ATP6V0A1: variants seen among roughly 807,000 people sequenced by gnomAD.
The protein encoded by ATP6V0A1 is V-type proton ATPase 116 kDa subunit a 1.
In ATP6V0A1, 43 loss-of-function variants were observed where a neutral mutation model predicts 105.4. The observed-to-expected ratio is 0.41, with a 90% CI of 0.32 to 0.53. The LOEUF (loss-of-function observed/expected upper bound fraction) is 0.53, where lower values mean the gene tolerates loss of function less well. Among genes scored for constraint, ATP6V0A1 ranks in the 20% least tolerant of loss-of-function variants. ATP6V0A1 has a pLI of 0.30. For missense variants in ATP6V0A1, 676 were observed against 1,051.1 expected (o/e 0.64, Z 4.93); for synonymous variants, 362 against 372.8 (o/e 0.97, Z 0.33).
At position 42,458,919 on chromosome 17, in the gene ATP6V0A1, T is replaced by A. The variant is rs1598614865; in HGVS notation, c.-92T>A. On this transcript the variant is annotated 5_prime_UTR_variant, in exon 1 of 22. Coordinates refer to ENST00000343619, the MANE Select transcript of ATP6V0A1 (RefSeq NM_001130021.3). ...CCTGGAGCCGCGGAGGGTGCGGGTT[T>A]GGCTGCGGTGGTTTCTGTGGCGGTT... The A allele has an allele frequency of 6.5e-6, 1 of 153,380 alleles. No individual in the cohort carries two copies. The highest frequency in any genetic ancestry group is 2.4e-5 in the African/African-American group (1 of 41,608). The allele number at this position is 153,380 out of a possible 1,614,324, so 9.5% of individuals were successfully genotyped here.
At position 42,501,181 on chromosome 17, in the gene ATP6V0A1, T is replaced by C. The variant is rs371940017; in HGVS notation, c.1897-16T>C. 7.5e-6 allele frequency: 12 copies of C among 1,595,066 alleles called. No individual in the cohort carries two copies. The Middle Eastern group carries it at 5.0e-4, about 66-fold the overall frequency. ...ACTTTTATATGATGTACCTTGTCCTTCTTCTTACTCTGCAGAAAGGAATTC... is the reference window on the plus strand; with the variant it reads ...ACTTTTATATGATGTACCTTGTCCTCCTTCTTACTCTGCAGAAAGGAATTC... On this transcript the variant is annotated splice_polypyrimidine_tract_variant and intron_variant, in intron 16 of 21. Coordinates refer to ENST00000343619, the MANE Select transcript of ATP6V0A1 (RefSeq NM_001130021.3).
intron 11 of ATP6V0A1, among the ~76,000 whole-genome samples, chr17:42,493,463 C>G (rs183966108): frequency 2.6e-5 from 4 of 152,290 alleles, no homozygotes; most frequent in African/African-American, 9.6e-5. Context: ...CCAATGTTGT[C>G]AAGGTTACAC....
At chr17:42,515,083 G>C (rs1391751191) in intron 21 of ATP6V0A1, among the ~76,000 whole-genome samples, 3 of 152,128 alleles carry the variant, frequency 2.0e-5, no homozygotes, top group Non-Finnish European at 4.4e-5. Flanking sequence ...TGTGTGGAGA[G>C]AGCATGAGTT....
intron 21 of ATP6V0A1, among the ~76,000 whole-genome samples, chr17:42,517,569 C>T (rs1229754909): frequency 1.3e-5 from 2 of 152,224 alleles, no homozygotes; most frequent in Non-Finnish European, 2.9e-5. Context: ...GGGCTGTTCC[C>T]GTGACACGAG....
At position 42,469,071 on chromosome 17, in the gene ATP6V0A1, C is replaced by T. The variant is rs562121247; in HGVS notation, c.294+964C>T. ...CCATGTTGGCCAGCTTGATCTCGAA[C>T]TCCTAACCTCAAGCAATCTGCCTGC... On this transcript the variant is annotated intron_variant, in intron 4 of 21. Transcript: ENST00000343619. Among the ~76,000 whole-genome samples the T allele has an allele frequency of 2.9e-3, 441 of 152,186 alleles. 3 individuals are homozygous for T. Among genetic ancestry groups the T allele is most frequent in the African/African-American group, 0.01 (433 of 41,510 alleles).
At chr17:42,490,664 C>T (rs746100277) in intron 11 of ATP6V0A1, 27 bp downstream of exon 11, 3 of 1,565,988 alleles carry the variant, frequency 1.9e-6, no homozygotes, top group Admixed American at 4.1e-5. Context: ...TATCTTTTTC[C>T]TCTAGAGTTT....
At chr17:42,503,747 G>T (rs554757362) in intron 17 of ATP6V0A1, among the ~76,000 whole-genome samples, 7 of 152,126 alleles carry the variant, frequency 4.6e-5, no homozygotes, top group Non-Finnish European at 5.9e-5. Context: ...TGTTTCTGAT[G>T]ATTTTAAACT....
At chr17:42,506,714 A>C (rs1248576010) in intron 17 of ATP6V0A1, among the ~76,000 whole-genome samples, 2 of 152,124 alleles carry the variant, frequency 1.3e-5, no homozygotes, top group Non-Finnish European at 2.9e-5. Context: ...TTTCCCAAAG[A>C]GTCTTTTTTG....
chr17:42,467,957 G>A, intron 3 of ATP6V0A1, 53 bp from the exon 4 acceptor site: 1 of 1,242,654 alleles, frequency 8.0e-7, no homozygotes, highest in Non-Finnish European at 1.1e-6. Flanking sequence ...TTAAATAATG[G>A]CAATTACGAG....
At chr17:42,501,051 T>G in intron 16 of ATP6V0A1, 128 bp downstream of exon 16, 1 of 1,198,748 alleles carries the variant, frequency 8.3e-7, no homozygotes, top group Non-Finnish European at 1.2e-6. Context: ...CCACAAAATG[T>G]GATAATTATT....
intron 14 of ATP6V0A1, among the ~76,000 whole-genome samples, chr17:42,497,588 GC>G (rs2091297570): frequency 2.0e-5 from 3 of 151,400 alleles, no homozygotes; most frequent in Admixed American, 6.6e-5. Flanking sequence ...GCAGAGAATT[GC>G]TTGAACCCAG....
chr17:42,499,082 T>C, intron 15 of ATP6V0A1, 40 bp downstream of exon 15: 1 of 1,392,078 alleles, frequency 7.2e-7, no homozygotes, highest in African/African-American at 1.4e-5. Context: ...GTGCATAGTT[T>C]AGAGAATGCT....
chr17:42,500,664 T>C (rs1402539570), intron 15 of ATP6V0A1, 43 bp from the exon 16 acceptor site: 1 of 1,506,456 alleles, frequency 6.6e-7, no homozygotes, highest in African/African-American at 1.4e-5. Flanking sequence ...GGAGTGGCCC[T>C]AGGCCCATTT....
intron 14 of ATP6V0A1, 48 bp from the exon 15 acceptor site, chr17:42,498,876 C>T (rs1331653935): frequency 7.8e-7 from 1 of 1,283,256 alleles, no homozygotes; most frequent in Non-Finnish European, 1.1e-6. Context: ...ATATTTTTCC[C>T]TTTGAGAATT....
At chr17:42,505,174 T>G (rs1256942525) in intron 17 of ATP6V0A1, among the ~76,000 whole-genome samples, 1 of 152,034 alleles carries the variant, frequency 6.6e-6, no homozygotes, top group Non-Finnish European at 1.5e-5. Flanking sequence ...TAGCTAGGAT[T>G]ATGGGCATGC....
intron 7 of ATP6V0A1, 83 bp downstream of exon 7, chr17:42,478,672 C>T: frequency 7.3e-7 from 1 of 1,371,166 alleles, no homozygotes; most frequent in South Asian, 1.5e-5. Context: ...CCACCTGAAT[C>T]CAGTGCTTCC....
At chr17:42,505,067 T>C (rs2091931651) in intron 17 of ATP6V0A1, among the ~76,000 whole-genome samples, 1 of 151,982 alleles carries the variant, frequency 6.6e-6, no homozygotes, top group Non-Finnish European at 1.5e-5. Context: ...GATGAAGTCT[T>C]GATCTGTCAC....
intron 2 of ATP6V0A1, among the ~76,000 whole-genome samples, chr17:42,461,362 T>A (rs533211770): frequency 6.0e-4 from 91 of 152,116 alleles, no homozygotes; most frequent in East Asian, 1.5e-3. Flanking sequence ...TAGGACATTT[T>A]AAAAAAAATA....
chr17:42,494,858 C>A, intron 12 of ATP6V0A1, 176 bp from the exon 13 acceptor site: 2 of 647,406 alleles, frequency 3.1e-6, no homozygotes, highest in Admixed American at 3.1e-5. Context: ...ATAGAGGCCA[C>A]ATCCTGTGAA....
Sources: allele counts gnomAD v4.1 joint callset (sites outside exome capture counted in the v4.1 genomes callset), GRCh38; gene constraint gnomAD v4.1.1; transcripts MANE v1.5; gene names NCBI Gene and HGNC (gene_info 2026-07-23, HGNC 2026-07-21).